Variants in VTI1A observed in about 807,000 individuals in gnomAD.
VTI1A encodes the protein vesicle transport through interaction with t-SNAREs 1A.
A neutral mutation model predicts 34.9 loss-of-function variants in VTI1A; 22 were observed. That is an observed-to-expected ratio of 0.63 (90% CI 0.45 to 0.90). The LOEUF is 0.90. Among genes scored for constraint, VTI1A ranks in the 40% least tolerant of loss-of-function variants. VTI1A has a pLI of 0.00. For synonymous variants in VTI1A, 87 were observed against 97.3 expected (o/e 0.89, Z 0.62); for missense variants, 268 against 275.6 (o/e 0.97, Z 0.20).
rs544441822 is a variant in VTI1A, at chr10:112,714,023, C to A, written c.560+45025C>A. ...CTTCCCCTCTCAACATTTTTGGTCACCTTTTAGCATTCTAGGTCTCCCCAC... is the reference window on the plus strand; with the variant it reads ...CTTCCCCTCTCAACATTTTTGGTCAACTTTTAGCATTCTAGGTCTCCCCAC... On this transcript the variant is annotated intron_variant, in intron 7 of 7. Coordinates refer to ENST00000393077, the MANE Select transcript of VTI1A (RefSeq NM_145206.4). 2.6e-4 allele frequency among the ~76,000 whole-genome samples: 40 copies of A among 152,254 alleles called. No homozygotes were observed. In the Middle Eastern group the frequency reaches 0.01, roughly 39 times the overall value.
intron 7 of VTI1A, among the ~76,000 whole-genome samples, chr10:112,761,888 A>G (rs1851480623): frequency 6.6e-6 from 1 of 152,052 alleles, no homozygotes; most frequent in East Asian, 1.9e-4. Context: ...GCCATAAGAA[A>G]CTATCTTATT....
At position 112,623,710 on chromosome 10, in the gene VTI1A, A is replaced by G. The variant is rs575557371; in HGVS notation, c.428-44508A>G. The stretch of plus-strand genomic sequence containing the variant: ...GAGGTGTTTTATAATCCATTCCTAT[A>G]GGATTCCTCTGACTTGGACAAAATC... On this transcript the variant is annotated intron_variant, in intron 5 of 7. Transcript: ENST00000393077. 2.1e-4 allele frequency among the ~76,000 whole-genome samples: 32 copies of G among 152,290 alleles called. No individual in the cohort carries two copies. The South Asian group carries it at 6.4e-3, about 31-fold the overall frequency.
chr10:112,800,728 G>T (rs1852849363), intron 7 of VTI1A, among the ~76,000 whole-genome samples: 1 of 152,154 alleles, frequency 6.6e-6, no homozygotes, highest in African/African-American at 2.4e-5. Context: ...ATGGTAGATT[G>T]TTCACTCTTT....
At chr10:112,548,545 A>C in intron 5 of VTI1A, 1 of 677,106 alleles carries the variant, frequency 1.5e-6, no homozygotes, top group Non-Finnish European at 2.5e-6. Context: ...ATTGAAACAA[A>C]CAGTTCTGAG....
At chr10:112,851,139 A>G in the VTI1A span, among the ~76,000 whole-genome samples, 2 of 152,254 alleles carry the variant, frequency 1.3e-5, no homozygotes, top group East Asian at 3.8e-4. Context: ...TTGTATTTTC[A>G]GGCATTCAGA....
intron 7 of VTI1A, among the ~76,000 whole-genome samples, chr10:112,757,045 CAAAAA>C (rs35767517): frequency 7.6e-6 from 1 of 131,694 alleles, no homozygotes. Flanking sequence ...GACCTTGCCT[CAAAAA>C]AAAAAAAAAA....
At chr10:112,804,132 T>C (rs1245041096) in intron 7 of VTI1A, among the ~76,000 whole-genome samples, 1 of 152,214 alleles carries the variant, frequency 6.6e-6, no homozygotes, top group Non-Finnish European at 1.5e-5. Context: ...GACAGGTACT[T>C]GTTGGCTGCC....
intron 7 of VTI1A, among the ~76,000 whole-genome samples, chr10:112,766,029 T>C (rs1851637293): frequency 6.6e-6 from 1 of 152,146 alleles, no homozygotes; most frequent in Non-Finnish European, 1.5e-5. Context: ...GCAAGAGCCC[T>C]GTGGTGGAAG....
intron 7 of VTI1A, among the ~76,000 whole-genome samples, chr10:112,742,338 A>T (rs1850721754): frequency 6.6e-6 from 1 of 152,248 alleles, no homozygotes; most frequent in Non-Finnish European, 1.5e-5. Context: ...TTTAGATGTG[A>T]CATGTGTTAA....
chr10:112,830,849 A>ATATATATATATATATATATTTT, the VTI1A span, among the ~76,000 whole-genome samples: 39 of 33,482 alleles, frequency 1.2e-3, no homozygotes, highest in East Asian at 2.9e-3. Context: ...ATATATATAT[A>ATATATATATATATATATATTTT]TTTTTTTTTT....
chr10:112,589,439 A>T, intron 5 of VTI1A, among the ~76,000 whole-genome samples: 1 of 120,072 alleles, frequency 8.3e-6, no homozygotes, highest in African/African-American at 3.2e-5. Context: ...TGTAAGTTCC[A>T]CCCAGCCACA....
At chr10:112,682,814 G>A (rs1848263391) in intron 7 of VTI1A, among the ~76,000 whole-genome samples, 1 of 152,184 alleles carries the variant, frequency 6.6e-6, no homozygotes, top group Non-Finnish European at 1.5e-5. Context: ...AGAATGGTGG[G>A]ACATTTGGAG....
chr10:112,619,451 T>C (rs1845644949), intron 5 of VTI1A, among the ~76,000 whole-genome samples: 1 of 152,176 alleles, frequency 6.6e-6, no homozygotes, highest in African/African-American at 2.4e-5. Flanking sequence ...TCTTACAGTC[T>C]CATTTTAGGA....
intron 5 of VTI1A, among the ~76,000 whole-genome samples, chr10:112,589,165 G>T (rs1019300788): frequency 6.6e-6 from 1 of 151,908 alleles, no homozygotes; most frequent in Non-Finnish European, 1.5e-5. Flanking sequence ...TACATGGGGG[G>T]TGATATGATT....
At chr10:112,458,866 C>T (rs936371807) in intron 1 of VTI1A, among the ~76,000 whole-genome samples, 1 of 151,972 alleles carries the variant, frequency 6.6e-6, no homozygotes, top group Non-Finnish European at 1.5e-5. Flanking sequence ...CGGGGTTTCA[C>T]TATGTTTGCC....
At chr10:112,506,878 A>G (rs936416130) in intron 3 of VTI1A, among the ~76,000 whole-genome samples, 3 of 151,156 alleles carry the variant, frequency 2.0e-5, no homozygotes. Flanking sequence ...TATTCACTGG[A>G]TATTGAATTT....
intron 3 of VTI1A, among the ~76,000 whole-genome samples, chr10:112,492,722 G>T (rs1416581331): frequency 2.6e-5 from 4 of 151,750 alleles, no homozygotes; most frequent in African/African-American, 7.3e-5. Flanking sequence ...GGGAGGCAAA[G>T]GTTGTAGTGA....
intron 7 of VTI1A, among the ~76,000 whole-genome samples, chr10:112,808,307 G>T (rs1853157554): frequency 6.6e-6 from 1 of 151,750 alleles, no homozygotes; most frequent in Non-Finnish European, 1.5e-5. Context: ...CAGGGACACT[G>T]TTCAATCCAG....
upstream of VTI1A, chr10:112,447,039 A>T: frequency 3.5e-6 from 1 of 284,690 alleles, no homozygotes; most frequent in Non-Finnish European, 6.9e-6. Context: ...TTCCCAGAAC[A>T]CGAAGGGGGG....
Sources: allele counts gnomAD v4.1 joint callset (sites outside exome capture counted in the v4.1 genomes callset), GRCh38; gene constraint gnomAD v4.1.1; transcripts MANE v1.5; gene names NCBI Gene and HGNC (gene_info 2026-07-23, HGNC 2026-07-21).